The following C4BPA variants were observed in gnomAD, a reference collection of about 807,000 sequenced individuals.
C4BPA encodes the protein C4b-binding protein alpha chain.
C4BPA carries 31 observed loss-of-function variants against 63.7 expected under a neutral mutation model. The observed-to-expected ratio is 0.49, with a 90% CI of 0.37 to 0.66. The LOEUF (loss-of-function observed/expected upper bound fraction) is 0.66. Ranked by LOEUF, C4BPA falls within the 30% of genes least tolerant of loss-of-function variation. The probability of loss-of-function intolerance (pLI) is 0.00; values close to 1 mark genes in which losing one functional copy is unlikely to be tolerated. For synonymous variants in C4BPA, 259 were observed against 254.7 expected, an observed-to-expected ratio of 1.02 and a Z score of -0.16; for missense variants, 572 against 723.3, an observed-to-expected ratio of 0.79 and a Z score of 2.40.
At chr1:207,113,876 A>G (rs900904793) in intron 2 of C4BPA, among the ~76,000 whole-genome samples, 1 of 152,122 alleles carries the variant, frequency 6.6e-6, no homozygotes, top group African/African-American at 2.4e-5. Context: ...TTTTATCATT[A>G]TTGTTTATTG....
At chr1:207,137,758 C>T (rs1194451418) in intron 9 of C4BPA, among the ~76,000 whole-genome samples, 1 of 152,170 alleles carries the variant, frequency 6.6e-6, no homozygotes, top group African/African-American at 2.4e-5. Context: ...GCTGGGATTA[C>T]AGGCACATGC....
rs1282089550 is a variant in C4BPA at position 207,126,854 on chromosome 1, C to T, written c.848C>T (p.Ala283Val). 6.2e-7 allele frequency: 1 copy of T among 1,612,932 alleles called. No individual in the cohort carries two copies. The highest frequency in any genetic ancestry group is 8.5e-7 in the Non-Finnish European group (1 of 1,179,454). Reference sequence around the variant, plus strand: ...GGCAGCAGTGTAATTCATTGTGATGCTGATAGCAAATGGAATCCTTCTCCT... The same window carrying T: ...GGCAGCAGTGTAATTCATTGTGATGTTGATAGCAAATGGAATCCTTCTCCT... ...LRGSSVIHCD[A>V]DSKWNPSPPA... The change falls in exon 7 of 12, where the codon GCT (alanine) becomes GTT (valine). Residue 283 changes from alanine (A) to valine (V), a missense_variant. Ala to Val is a moderately conservative substitution (Grantham distance 64). Coordinates refer to ENST00000367070, the MANE Select transcript of C4BPA (RefSeq NM_000715.4).
At chr1:207,130,972 C>A (rs967954518) in intron 7 of C4BPA, among the ~76,000 whole-genome samples, 1 of 152,130 alleles carries the variant, frequency 6.6e-6, no homozygotes, top group Non-Finnish European at 1.5e-5. Flanking sequence ...CTGAATAATG[C>A]TGTTAAAAAA....
chr1:207,126,891 GC>G lies in C4BPA; in HGVS notation c.888del (p.Asn297IlefsTer32). ...KWNPSPPACE[P>X]NSCINLPDIP... The stretch of plus-strand genomic sequence containing the variant: ...GGAATCCTTCTCCTCCTGCTTGTGA[GC>G]CCAGTAAGTATGGACTGTGACAGAA... On this transcript the variant is annotated frameshift_variant, in exon 7 of 12. Coordinates refer to ENST00000367070, the MANE Select transcript of C4BPA (RefSeq NM_000715.4). LOFTEE classifies it high-confidence loss of function. The G allele has an allele frequency of 6.2e-7, 1 of 1,611,650 alleles. No homozygotes were observed. The highest frequency in any genetic ancestry group is 8.5e-7 in the Non-Finnish European group (1 of 1,178,540).
intron 9 of C4BPA, among the ~76,000 whole-genome samples, chr1:207,140,893 A>G (rs913438934): frequency 2.0e-5 from 3 of 152,162 alleles, no homozygotes; most frequent in Non-Finnish European, 2.9e-5. Context: ...ATGAAGGAAA[A>G]CCTAAGGGCT....
intron 10 of C4BPA, among the ~76,000 whole-genome samples, chr1:207,141,699 C>T (rs1329743820): frequency 2.0e-5 from 3 of 152,050 alleles, no homozygotes; most frequent in African/African-American, 4.8e-5. Flanking sequence ...GCATGCACCA[C>T]CTGCTATGAT....
chr1:207,118,193 CATCT>C (rs1257905506), intron 4 of C4BPA, among the ~76,000 whole-genome samples: 86 of 147,098 alleles, frequency 5.8e-4, no homozygotes, highest in African/African-American at 2.0e-3. Context: ...ATCTATCTAT[CATCT>C]ATCTATCTAT....
Position 207,134,348 on chromosome 1 carries a change from T to C in C4BPA, c.1085-56T>C, listed in dbSNP as rs1484144814. 6.9e-6 allele frequency: 9 copies of C among 1,304,804 alleles called. No homozygotes were observed. The East Asian group carries it at 1.4e-4, about 20-fold the overall frequency. 80.8% of individuals were successfully genotyped at this position (1,304,804 alleles called of 1,614,324 possible). A position where few individuals can be genotyped will look rare whatever the true frequency, so the allele number is the denominator to read the frequency against. On this transcript the variant is annotated intron_variant, in intron 8 of 11. Transcript: ENST00000367070. ...AAGATGGAAATGAGGTTGTTAGCCA[T>C]AGAAGCTTCCTCATGGTGATTTTAC...
At chr1:207,140,024 G>A (rs548881671) in intron 9 of C4BPA, among the ~76,000 whole-genome samples, 13 of 152,134 alleles carry the variant, frequency 8.5e-5, no homozygotes, top group Non-Finnish European at 1.8e-4. Flanking sequence ...GAATGCTATG[G>A]TTTAATCTTC....
chr1:207,135,267 G>A (rs190321178), intron 9 of C4BPA, among the ~76,000 whole-genome samples: 100 of 152,298 alleles, frequency 6.6e-4, no homozygotes, highest in African/African-American at 2.3e-3. Flanking sequence ...GACCTCGGGA[G>A]GCGGAGGTTG....
In C4BPA at chr1:207,144,678, A is replaced by T; in HGVS notation, c.1755A>T (p.Arg585Ser). The T allele has an allele frequency of 6.2e-7, 1 of 1,610,020 alleles. No individual in the cohort carries two copies. Among genetic ancestry groups the T allele is most frequent in the African/African-American group, 1.3e-5 (1 of 74,802 alleles). ...SLEIEQLELQ[R>S]DSARQSTLDK... ...AAATTGAACAACTGGAACTACAGAG[A>T]GACAGCGCAAGACAATCCACTTTGG... Residue 585 changes from arginine (R) to serine (S), a missense_variant, in exon 12 of 12, where the codon AGA (arginine) becomes AGT (serine). Arg to Ser is a moderately radical substitution (Grantham distance 110, BLOSUM62 -1). Coordinates refer to ENST00000367070, the MANE Select transcript of C4BPA (RefSeq NM_000715.4).
Position 207,134,522 on chromosome 1 carries a change from G to A in C4BPA, c.1203G>A (p.Glu401=), listed in dbSNP as rs1306722844. 6.2e-7 allele frequency: 1 copy of A among 1,613,820 alleles called. No homozygotes were observed. The highest frequency in any genetic ancestry group is 8.5e-7 in the Non-Finnish European group (1 of 1,179,828). ...YGDEISFSCH[E]TSRFSAICQG... is the part of the protein sequence containing the mutation. Reference sequence around the variant, plus strand: ...ATGAGATTTCATTTTCATGTCATGAGACCAGTAGGTTTTCAGCTATATGCC... The same window carrying A: ...ATGAGATTTCATTTTCATGTCATGAAACCAGTAGGTTTTCAGCTATATGCC... The change falls in exon 9 of 12, where the codon GAG becomes GAA. Residue 401 remains glutamate, a synonymous_variant. Coordinates refer to ENST00000367070, the MANE Select transcript of C4BPA (RefSeq NM_000715.4).
intron 10 of C4BPA, 108 bp downstream of exon 10, chr1:207,141,384 T>C (rs981731409): frequency 1.2e-6 from 1 of 821,594 alleles, no homozygotes; most frequent in African/African-American, 1.7e-5. Flanking sequence ...ACATTTGATT[T>C]GATTTATATT....
At chr1:207,139,634 G>A (rs1419627136) in intron 9 of C4BPA, among the ~76,000 whole-genome samples, 1 of 152,150 alleles carries the variant, frequency 6.6e-6, no homozygotes, top group East Asian at 1.9e-4. Flanking sequence ...CCACAAACTG[G>A]TCTAATAGGA....
chr1:207,124,741 T>C (rs1292368841), intron 6 of C4BPA, among the ~76,000 whole-genome samples: 3 of 152,228 alleles, frequency 2.0e-5, no homozygotes, highest in Non-Finnish European at 4.4e-5. Context: ...TTTGATCTTA[T>C]GGCACCTCCA....
chr1:207,135,550 T>C (rs1202633822), intron 9 of C4BPA, among the ~76,000 whole-genome samples: 1 of 152,112 alleles, frequency 6.6e-6, no homozygotes, highest in African/African-American at 2.4e-5. Context: ...AACCTGCAGG[T>C]CCCAGAGCTT....
At chr1:207,118,133 A>ATCTGTCTGTCTG (rs60535065) in intron 4 of C4BPA, among the ~76,000 whole-genome samples, 2 of 98,902 alleles carry the variant, frequency 2.0e-5, no homozygotes, top group South Asian at 8.8e-4. Context: ...TCTATCATCT[A>ATCTGTCTGTCTG]TCTGTCTGTC....
chr1:207,113,245 AATG>A, intron 2 of C4BPA, 78 bp downstream of exon 2: 2 of 1,476,570 alleles, frequency 1.4e-6, no homozygotes, highest in South Asian at 1.3e-5. Flanking sequence ...GGCTAAAAAA[AATG>A]ATGACTGAGC....
intron 1 of C4BPA, among the ~76,000 whole-genome samples, chr1:207,112,594 C>A (rs1224694536): frequency 6.6e-6 from 1 of 152,206 alleles, no homozygotes; most frequent in African/African-American, 2.4e-5. Context: ...GGAGTAAAGT[C>A]TATGAATTTC....
Sources: gnomAD v4.1 joint callset for allele counts (sites outside exome capture counted in the v4.1 genomes callset) on GRCh38, gnomAD v4.1.1 for gene constraint, MANE v1.5 for transcripts, NCBI Gene and HGNC (gene_info 2026-07-23, HGNC 2026-07-21) for gene names.